The following RANBP2 variants were observed in gnomAD, a reference collection of about 807,000 sequenced individuals.
RANBP2 encodes the protein RAN binding protein 2, also known as E3 SUMO-protein ligase RanBP2.
RANBP2 carries 57 observed loss-of-function variants against 303.6 expected under a neutral mutation model. That is an observed-to-expected ratio of 0.19 (90% CI 0.15 to 0.23). RANBP2 has a LOEUF of 0.23. Among genes scored for constraint, RANBP2 ranks in the 10% least tolerant of loss-of-function variants. RANBP2 has a pLI of 1.00. For missense variants in RANBP2, 3,138 were observed against 3,780.8 expected (o/e 0.83, Z 4.46); for synonymous variants, 1,167 against 1,301.5 (o/e 0.90, Z 2.23).
At chr2:109,671,172 A>G in the RANBP2 span, among the ~76,000 whole-genome samples, 1 of 152,168 alleles carries the variant, frequency 6.6e-6, no homozygotes, top group Non-Finnish European at 1.5e-5. Context: ...AGGAGGATCC[A>G]CCTGCTGGAT....
the RANBP2 span, among the ~76,000 whole-genome samples, chr2:109,252,882 G>A: frequency 1.3e-5 from 2 of 152,154 alleles, no homozygotes; most frequent in East Asian, 1.9e-4. Flanking sequence ...GTATTGTATT[G>A]TACCATCATA....
chr2:109,643,903 A>G, the RANBP2 span, among the ~76,000 whole-genome samples: 5 of 152,034 alleles, frequency 3.3e-5, no homozygotes, highest in African/African-American at 1.2e-4. Flanking sequence ...CAGGCGGATC[A>G]CGAGGTCAGG....
chr2:109,518,128 GCAA>G, the RANBP2 span, among the ~76,000 whole-genome samples: 1 of 152,218 alleles, frequency 6.6e-6, no homozygotes, highest in Admixed American at 6.5e-5. Flanking sequence ...CACACATCTT[GCAA>G]CAACAACTCA....
At chr2:109,335,576 G>A in the RANBP2 span, among the ~76,000 whole-genome samples, 3 of 152,152 alleles carry the variant, frequency 2.0e-5, no homozygotes, top group South Asian at 6.2e-4. Context: ...CCCCTCCCCT[G>A]GTTTATGTGT....
the RANBP2 span, among the ~76,000 whole-genome samples, chr2:108,937,823 C>T: frequency 3.9e-5 from 6 of 152,090 alleles, no homozygotes; most frequent in Middle Eastern, 3.2e-3. Context: ...AGTGGACCTG[C>T]GGGGAGAGGC....
At chr2:108,810,925 A>C in the RANBP2 span, among the ~76,000 whole-genome samples, 2 of 152,088 alleles carry the variant, frequency 1.3e-5, no homozygotes, top group African/African-American at 4.8e-5. Context: ...ATATGTGCCT[A>C]GGAGTTTATC....
the RANBP2 span, among the ~76,000 whole-genome samples, chr2:108,841,995 T>C: frequency 3.3e-5 from 5 of 152,112 alleles, no homozygotes; most frequent in Non-Finnish European, 7.4e-5. Flanking sequence ...TGATTAGAAG[T>C]CATAGAAGTT....
At chr2:109,698,341 C>T in the RANBP2 span, among the ~76,000 whole-genome samples, 2 of 151,688 alleles carry the variant, frequency 1.3e-5, no homozygotes, top group African/African-American at 4.8e-5. Flanking sequence ...TGGCATGAGC[C>T]TGTAGTCCCA....
the RANBP2 span, chr2:109,432,798 G>T: frequency 7.6e-7 from 1 of 1,311,314 alleles, no homozygotes; most frequent in Non-Finnish European, 1.0e-6. Context: ...CCAGTGCCCA[G>T]GGTTCAGCCC....
chr2:109,039,233 G>T, the RANBP2 span, among the ~76,000 whole-genome samples: 2 of 152,208 alleles, frequency 1.3e-5, no homozygotes, highest in African/African-American at 4.8e-5. Context: ...GGTCTTTCTT[G>T]TGGATTTCAG....
the RANBP2 span, among the ~76,000 whole-genome samples, chr2:109,606,180 A>G: frequency 6.6e-6 from 1 of 152,074 alleles, no homozygotes; most frequent in East Asian, 1.9e-4. Context: ...ACTTTGGGAG[A>G]CCAAGGAGGG....
chr2:109,464,432 C>T, the RANBP2 span, among the ~76,000 whole-genome samples: 70 of 152,296 alleles, frequency 4.6e-4, 1 homozygote, highest in Admixed American at 4.1e-3. Flanking sequence ...TACATGTACA[C>T]ACATTCGCGT....
the RANBP2 span, among the ~76,000 whole-genome samples, chr2:108,829,701 G>C: frequency 2.6e-5 from 4 of 152,158 alleles, no homozygotes; most frequent in Non-Finnish European, 4.4e-5. Flanking sequence ...AGCCAAGATC[G>C]TGCCACCACA....
chr2:109,437,937 C>T, the RANBP2 span, among the ~76,000 whole-genome samples: 1 of 152,166 alleles, frequency 6.6e-6, no homozygotes, highest in African/African-American at 2.4e-5. Context: ...ATGCCAAGTA[C>T]CCCAGGACAA....
chr2:109,173,932 G>A, the RANBP2 span, among the ~76,000 whole-genome samples: 27 of 152,240 alleles, frequency 1.8e-4, no homozygotes, highest in Admixed American at 1.8e-3. Flanking sequence ...CAATTCTTAT[G>A]CCCTTTAAAG....
chr2:108,740,130 T>C (rs1201328430), intron 6 of RANBP2, among the ~76,000 whole-genome samples: 1 of 152,216 alleles, frequency 6.6e-6, no homozygotes, highest in African/African-American at 2.4e-5. Context: ...ATTACAACTG[T>C]TAATTAAATA....
At chr2:109,114,872 G>A in the RANBP2 span, among the ~76,000 whole-genome samples, 1 of 152,148 alleles carries the variant, frequency 6.6e-6, no homozygotes, top group East Asian at 1.9e-4. Flanking sequence ...CTTTATTTCT[G>A]CCTTCATTTC....
the RANBP2 span, among the ~76,000 whole-genome samples, chr2:109,739,652 G>A: frequency 3.7e-4 from 56 of 152,154 alleles, no homozygotes; most frequent in African/African-American, 1.3e-3. Context: ...CCAAATATGA[G>A]ATCATATCAC....
At chr2:109,652,948 G>A in the RANBP2 span, among the ~76,000 whole-genome samples, 2 of 152,134 alleles carry the variant, frequency 1.3e-5, no homozygotes, top group Non-Finnish European at 2.9e-5. Context: ...TTCAATAAGG[G>A]ATCAGTGCCC....
Sources: gnomAD v4.1 joint callset for allele counts (sites outside exome capture counted in the v4.1 genomes callset) on GRCh38, gnomAD v4.1.1 for gene constraint, MANE v1.5 for transcripts, NCBI Gene and HGNC (gene_info 2026-07-23, HGNC 2026-07-21) for gene names.